Variants in DSCAM observed in about 807,000 individuals in gnomAD.
DSCAM encodes the protein cell adhesion molecule DSCAM.
A neutral mutation model predicts 217.7 loss-of-function variants in DSCAM; 47 were observed. The observed-to-expected ratio is 0.22, with a 90% CI of 0.17 to 0.28. The LOEUF is 0.28. DSCAM is among the 10% of genes least tolerant of loss of function. The pLI, the probability that DSCAM is intolerant of heterozygous loss-of-function variation, is 1.00. For synonymous variants in DSCAM, 1,056 were observed against 1,015.3 expected (o/e 1.04, Z -0.76); for missense variants, 2,080 against 2,618.3 (o/e 0.79, Z 4.49).
At chr21:40,291,519 C>T (rs2073891878) in intron 10 of DSCAM, among the ~76,000 whole-genome samples, 1 of 152,174 alleles carries the variant, frequency 6.6e-6, no homozygotes, top group African/African-American at 2.4e-5. Context: ...GACTTCCTTT[C>T]ACTAACTCTG....
chr21:40,423,292 G>T (rs929213205), intron 3 of DSCAM, among the ~76,000 whole-genome samples: 1 of 152,152 alleles, frequency 6.6e-6, no homozygotes, highest in Non-Finnish European at 1.5e-5. Flanking sequence ...TATTAATGTA[G>T]GTAGGTTTTC....
chr21:40,067,149 TATA>T (rs762289365), intron 27 of DSCAM, among the ~76,000 whole-genome samples: 10 of 152,190 alleles, frequency 6.6e-5, no homozygotes, highest in Non-Finnish European at 1.5e-4. Context: ...GAGCTTATTT[TATA>T]ATAAGGTGTT....
chr21:40,730,598 C>G (rs908764480), intron 1 of DSCAM, among the ~76,000 whole-genome samples: 2 of 152,164 alleles, frequency 1.3e-5, no homozygotes, highest in Admixed American at 1.3e-4. Flanking sequence ...ATCAAGGATG[C>G]CCCAGGGCCA....
intron 3 of DSCAM, among the ~76,000 whole-genome samples, chr21:40,512,846 G>T (rs1008757032): frequency 3.3e-5 from 5 of 151,582 alleles, no homozygotes; most frequent in Admixed American, 6.6e-5. Flanking sequence ...AGGGACCATA[G>T]AAAATTCTCA....
chr21:40,743,086 C>G (rs955856843), intron 1 of DSCAM, among the ~76,000 whole-genome samples: 1 of 152,168 alleles, frequency 6.6e-6, no homozygotes, highest in African/African-American at 2.4e-5. Flanking sequence ...TAACATTCCA[C>G]TCTAATTGGA....
chr21:40,266,646 T>TATAC (rs577277672), intron 11 of DSCAM, among the ~76,000 whole-genome samples: 1 of 113,898 alleles, frequency 8.8e-6, no homozygotes, highest in Non-Finnish European at 1.6e-5. Context: ...TATATATATA[T>TATAC]ATATATATAT....
chr21:40,787,957 T>C (rs1241518229), intron 1 of DSCAM, among the ~76,000 whole-genome samples: 2 of 152,118 alleles, frequency 1.3e-5, no homozygotes, highest in Admixed American at 6.5e-5. Flanking sequence ...CTATGATAGA[T>C]AAAGAGGATT....
rs922366154 is a variant in DSCAM at position 40,820,678 on chromosome 21, T to G, written c.43+25941A>C. Among the ~76,000 whole-genome samples, 5 of 152,112 alleles carry G rather than the reference T, an allele frequency of 3.3e-5. No individual in the cohort carries two copies. In the East Asian group the frequency reaches 9.6e-4, roughly 29 times the overall value. On this transcript the variant is annotated intron_variant, in intron 1 of 32. Coordinates refer to ENST00000400454, the MANE Select transcript of DSCAM (RefSeq NM_001389.5). ...ATATGTATTACAGAAAAAAATTATCTTATGGTTGAACTCCATAGCCATGTA... is the reference window on the plus strand; with the variant it reads ...ATATGTATTACAGAAAAAAATTATCGTATGGTTGAACTCCATAGCCATGTA...
intron 9 of DSCAM, among the ~76,000 whole-genome samples, chr21:40,309,693 T>G (rs887215177): frequency 6.6e-6 from 1 of 152,208 alleles, no homozygotes; most frequent in Admixed American, 6.5e-5. Context: ...TTCTTCTTTA[T>G]CTCATTTGCA....
intron 11 of DSCAM, among the ~76,000 whole-genome samples, chr21:40,220,353 TA>T (rs2091279743): frequency 6.6e-6 from 1 of 152,214 alleles, no homozygotes; most frequent in African/African-American, 2.4e-5. Context: ...TCTGACTTAA[TA>T]AATAAAATGT....
At chr21:40,639,116 C>CGTCCATTTTG (rs558074724) in intron 3 of DSCAM, among the ~76,000 whole-genome samples, 2 of 151,134 alleles carry the variant, frequency 1.3e-5, no homozygotes, top group East Asian at 1.9e-4. Context: ...CCCTCACACT[C>CGTCCATTTTG]GTCCATTTTG....
At chr21:40,092,679 T>C (rs1185152908) in intron 21 of DSCAM, among the ~76,000 whole-genome samples, 3 of 152,174 alleles carry the variant, frequency 2.0e-5, no homozygotes, top group Non-Finnish European at 4.4e-5. Context: ...GTTTTTGTTG[T>C]TTTTTTGGTA....
chr21:40,168,788 T>C (rs1438418953), intron 15 of DSCAM, among the ~76,000 whole-genome samples: 1 of 152,164 alleles, frequency 6.6e-6, no homozygotes, highest in Non-Finnish European at 1.5e-5. Context: ...TAGCATGATG[T>C]AGTTGCTAAG....
intron 1 of DSCAM, among the ~76,000 whole-genome samples, chr21:40,740,174 T>TA (rs1409139788): frequency 1.3e-5 from 2 of 152,150 alleles, no homozygotes; most frequent in South Asian, 2.1e-4. Flanking sequence ...CCTTTGAGGA[T>TA]AAAAAACTCT....
intron 1 of DSCAM, among the ~76,000 whole-genome samples, chr21:40,785,086 A>G (rs1415335120): frequency 6.6e-6 from 1 of 152,254 alleles, no homozygotes; most frequent in East Asian, 1.9e-4. Context: ...TTTTAGAAGT[A>G]GAGACCAATA....
chr21:40,200,088 T>C (rs912310513), intron 11 of DSCAM, among the ~76,000 whole-genome samples: 3 of 150,488 alleles, frequency 2.0e-5, no homozygotes, highest in African/African-American at 4.9e-5. Flanking sequence ...GTGGACAAAG[T>C]ACATTCTTAG....
At chr21:40,474,228 G>A (rs1261705193) in intron 3 of DSCAM, among the ~76,000 whole-genome samples, 2 of 152,126 alleles carry the variant, frequency 1.3e-5, no homozygotes, top group African/African-American at 4.8e-5. Context: ...AGGAGGTGGA[G>A]GTTGTAGTGA....
At chr21:40,520,161 A>G (rs916916183) in intron 3 of DSCAM, among the ~76,000 whole-genome samples, 3 of 152,130 alleles carry the variant, frequency 2.0e-5, no homozygotes, top group African/African-American at 4.8e-5. Flanking sequence ...ATAGTGGAAT[A>G]AATTGCTCCT....
At chr21:40,654,052 A>G (rs1489814335) in intron 3 of DSCAM, among the ~76,000 whole-genome samples, 1 of 151,756 alleles carries the variant, frequency 6.6e-6, no homozygotes, top group Non-Finnish European at 1.5e-5. Context: ...CCGAGACCAC[A>G]CTATTGCACT....
Sources: allele counts gnomAD v4.1 joint callset (sites outside exome capture counted in the v4.1 genomes callset), GRCh38; gene constraint gnomAD v4.1.1; transcripts MANE v1.5; gene names NCBI Gene and HGNC (gene_info 2026-07-23, HGNC 2026-07-21).